Variants in ACTR10 observed in about 807,000 individuals in gnomAD.
ACTR10 encodes actin related protein 10, also known as actin-related protein 10.
ACTR10 carries 43 observed loss-of-function variants against 56.2 expected under a neutral mutation model. The ratio of observed to expected loss-of-function variants is 0.77; its 90% CI spans 0.60 to 0.99. The LOEUF (loss-of-function observed/expected upper bound fraction) is 0.99, where lower values mean the gene tolerates loss of function less well. Among genes scored for constraint, ACTR10 ranks in the 50% least tolerant of loss-of-function variants. ACTR10 has a pLI of 0.00. For synonymous variants in ACTR10, 170 were observed against 176.3 expected (o/e 0.96, Z 0.28); for missense variants, 466 against 507.8 (o/e 0.92, Z 0.79).
At chr14:58,220,327 G>T (rs1306465319) in intron 8 of ACTR10, among the ~76,000 whole-genome samples, 1 of 149,794 alleles carries the variant, frequency 6.7e-6, no homozygotes, top group Non-Finnish European at 1.5e-5. Flanking sequence ...AGTTAAATGA[G>T]AGCTGGAGAT....
At chr14:58,210,818 G>A (rs746329212) in intron 4 of ACTR10, among the ~76,000 whole-genome samples, 1 of 151,974 alleles carries the variant, frequency 6.6e-6, no homozygotes, top group Non-Finnish European at 1.5e-5. Flanking sequence ...GAGATTACAG[G>A]CAGATGCCAC....
intron 4 of ACTR10, among the ~76,000 whole-genome samples, chr14:58,210,428 C>T (rs1045596778): frequency 1.3e-5 from 2 of 151,836 alleles, no homozygotes; most frequent in African/African-American, 2.4e-5. Context: ...CCCAGGAGGT[C>T]GAGGCTGCAG....
At chr14:58,211,555 G>T in intron 5 of ACTR10, 156 bp downstream of exon 5, 1 of 529,200 alleles carries the variant, frequency 1.9e-6, no homozygotes, top group East Asian at 3.1e-5. Flanking sequence ...AGGATTATAA[G>T]ACTTAAGTTT....
chr14:58,208,426 G>A (rs1467962218), intron 3 of ACTR10, among the ~76,000 whole-genome samples: 1 of 151,830 alleles, frequency 6.6e-6, no homozygotes, highest in African/African-American at 2.4e-5. Context: ...ACATCCATAA[G>A]AATGAAAAAA....
rs542326486 is a variant in ACTR10, at chr14:58,205,661, T to C, written c.151-2275T>C. Among the ~76,000 whole-genome samples, 6 of 152,242 alleles carry C rather than the reference T, an allele frequency of 3.9e-5. No individual in the cohort carries two copies. In the East Asian group the frequency reaches 9.7e-4, roughly 24 times the overall value. On this transcript the variant is annotated intron_variant, in intron 2 of 12. Coordinates refer to ENST00000254286, the MANE Select transcript of ACTR10 (RefSeq NM_018477.3). ...TTGATTAAGGAATCATTTCATTGAT[T>C]TTAAATTTTTCTGCAAATCCTTGGA...
At chr14:58,219,326 G>T (rs1213697598) in intron 7 of ACTR10, among the ~76,000 whole-genome samples, 2 of 152,110 alleles carry the variant, frequency 1.3e-5, no homozygotes, top group Non-Finnish European at 2.9e-5. Flanking sequence ...ATTCAAAAAA[G>T]AATGAATAAG....
chr14:58,200,149 G>C lies in ACTR10; in HGVS notation c.-69G>C. The C allele has an allele frequency of 3.3e-6, 4 of 1,209,342 alleles. No homozygotes were observed. The highest frequency in any genetic ancestry group is 3.2e-6 in the Non-Finnish European group (3 of 945,234). The allele number at this position is 1,209,342 out of a possible 1,614,324, so 74.9% of individuals were successfully genotyped here. A position where few individuals can be genotyped will look rare whatever the true frequency, so the allele number is the denominator to read the frequency against. On this transcript the variant is annotated 5_prime_UTR_variant, in exon 1 of 13. Coordinates refer to ENST00000254286, the MANE Select transcript of ACTR10 (RefSeq NM_018477.3). ...GCCCGAGCGCCGGAGCCCCGGCCCC[G>C]CCCCGCGAGCGCCGAGACTTGTTGG...
chr14:58,220,109 A>G (rs1344122382), intron 8 of ACTR10, among the ~76,000 whole-genome samples: 1 of 152,218 alleles, frequency 6.6e-6, no homozygotes, highest in African/African-American at 2.4e-5. Context: ...TTGTGACCAA[A>G]GTACTACACA....
Position 58,223,865 on chromosome 14 carries a change from T to C in ACTR10, c.788+9T>C. 1 of 1,593,826 alleles carries C rather than the reference T, an allele frequency of 6.3e-7. No homozygotes were observed. The highest frequency in any genetic ancestry group is 1.1e-5 in the South Asian group (1 of 87,246). On this transcript the variant is annotated intron_variant, in intron 10 of 12. Transcript: ENST00000254286. ...ATCCTTGGATCAATCAGGTTAGATC[T>C]TAAATTTTTACGGCAAAGTAGTAAA...
intron 1 of ACTR10, 123 bp downstream of exon 1, chr14:58,200,417 C>T: frequency 1.5e-6 from 1 of 683,974 alleles, no homozygotes; most frequent in Non-Finnish European, 2.1e-6. Flanking sequence ...TTTTCTTCAA[C>T]CAGCGCCCTT....
intron 4 of ACTR10, 83 bp from the exon 5 acceptor site, chr14:58,211,209 C>G (rs1888985020): frequency 3.9e-6 from 4 of 1,015,676 alleles, no homozygotes; most frequent in East Asian, 4.9e-5. Flanking sequence ...TGAATTTTTT[C>G]AAATATATTT....
chr14:58,224,050 G>C (rs1394010437), intron 10 of ACTR10, among the ~76,000 whole-genome samples, 194 bp downstream of exon 10: 1 of 151,956 alleles, frequency 6.6e-6, no homozygotes, highest in East Asian at 1.9e-4. Flanking sequence ...GCCCAGGCTG[G>C]AGTGCAGTGG....
chr14:58,201,982 G>C (rs564369477), intron 1 of ACTR10, among the ~76,000 whole-genome samples: 1 of 136,294 alleles, frequency 7.3e-6, no homozygotes, highest in East Asian at 2.1e-4. Flanking sequence ...CAGCCTGGGC[G>C]ACAGAGCGAG....
At chr14:58,218,327 A>G (rs1889184407) in intron 7 of ACTR10, among the ~76,000 whole-genome samples, 1 of 152,194 alleles carries the variant, frequency 6.6e-6, no homozygotes, top group Non-Finnish European at 1.5e-5. Flanking sequence ...TTTAACACTT[A>G]AAGATAGGAA....
intron 8 of ACTR10, among the ~76,000 whole-genome samples, chr14:58,223,219 C>T (rs993400569): frequency 3.4e-4 from 52 of 152,282 alleles, no homozygotes; most frequent in African/African-American, 1.2e-3. Flanking sequence ...TCACTGCAAC[C>T]TCCACCTCCC....
chr14:58,230,794 T>C (rs966910875), intron 11 of ACTR10, among the ~76,000 whole-genome samples: 3 of 150,992 alleles, frequency 2.0e-5, no homozygotes, highest in Non-Finnish European at 2.9e-5. Context: ...AAAGTCTCGC[T>C]CTGTCACCCA....
intron 4 of ACTR10, 44 bp from the exon 5 acceptor site, chr14:58,211,248 G>T (rs755562211): frequency 2.2e-5 from 30 of 1,374,952 alleles, no homozygotes; most frequent in Non-Finnish European, 2.9e-5. Flanking sequence ...TTCAAATAAT[G>T]ACACTCATTC....
At chr14:58,207,915 A>T (rs1311033749) in intron 2 of ACTR10, 21 bp from the exon 3 acceptor site, 2 of 1,334,006 alleles carry the variant, frequency 1.5e-6, no homozygotes, top group East Asian at 2.8e-5. Context: ...TAAATTAATA[A>T]ATCATTTTAA....
At chr14:58,223,156 G>T (rs1267823899) in intron 8 of ACTR10, among the ~76,000 whole-genome samples, 1 of 151,968 alleles carries the variant, frequency 6.6e-6, no homozygotes. Context: ...TTTTCTTTGA[G>T]ATGGAGTTTC....
Sources: allele counts gnomAD v4.1 joint callset (sites outside exome capture counted in the v4.1 genomes callset), GRCh38; gene constraint gnomAD v4.1.1; transcripts MANE v1.5; gene names NCBI Gene and HGNC (gene_info 2026-07-23, HGNC 2026-07-21).